The following SLC14A1 variants were observed in gnomAD, a reference collection of about 807,000 sequenced individuals.
The protein encoded by SLC14A1 is solute carrier family 14 member 1 (Kidd blood group).
In SLC14A1, 36 loss-of-function variants were observed where a neutral mutation model predicts 39.6. That is an observed-to-expected ratio of 0.91 (90% confidence interval 0.70 to 1.20). The LOEUF (loss-of-function observed/expected upper bound fraction) is 1.20. SLC14A1 is among the 50% of genes most tolerant of loss of function. SLC14A1 has a pLI of 0.00. For missense variants in SLC14A1, 469 were observed against 478.7 expected, an observed-to-expected ratio of 0.98 and a Z score of 0.19; for synonymous variants, 164 against 173.6, an observed-to-expected ratio of 0.94 and a Z score of 0.43.
chr18:45,732,495 A>G (rs7229753), intron 4 of SLC14A1, among the ~76,000 whole-genome samples: 64,625 of 152,064 alleles, frequency 0.42, 14,503 homozygotes, highest in East Asian at 0.52. Flanking sequence ...ATTTAAGGGA[A>G]ACAAAGAACT....
intron 6 of SLC14A1, among the ~76,000 whole-genome samples, chr18:45,738,439 A>G (rs546070956): frequency 2.6e-5 from 4 of 152,350 alleles, no homozygotes; most frequent in African/African-American, 9.6e-5. Context: ...GAGAACTGCA[A>G]TTCTGTGAAC....
intron 8 of SLC14A1, among the ~76,000 whole-genome samples, chr18:45,741,528 T>C (rs2047377927): frequency 6.6e-6 from 1 of 152,226 alleles, no homozygotes; most frequent in Non-Finnish European, 1.5e-5. Context: ...GTACCAACGG[T>C]TTCTAAAGAC....
chr18:45,736,380 C>G, intron 5 of SLC14A1, 76 bp from the exon 6 acceptor site: 2 of 1,435,686 alleles, frequency 1.4e-6, no homozygotes, highest in South Asian at 1.1e-5. Context: ...GAAACAAAGC[C>G]CCTCCAGAGT....
chr18:45,735,358 G>A (rs887574123), intron 5 of SLC14A1, among the ~76,000 whole-genome samples: 9 of 152,162 alleles, frequency 5.9e-5, no homozygotes, highest in South Asian at 2.1e-4. Flanking sequence ...CGTTTCTAAC[G>A]CATTCCCACA....
chr18:45,747,205 G>A (rs2047568032), intron 8 of SLC14A1: 1 of 152,288 alleles, frequency 6.6e-6, no homozygotes, highest in African/African-American at 2.4e-5. Context: ...TTATATGAAG[G>A]TCATTCTTCA....
At position 45,739,676 on chromosome 18, in the gene SLC14A1, G is replaced by T. The variant is rs373326880; in HGVS notation, c.946+14G>T. On this transcript the variant is annotated intron_variant, in intron 8 of 9. Coordinates refer to ENST00000321925, the MANE Select transcript of SLC14A1 (RefSeq NM_015865.7). ...CTCTTGGCTGTGGTGAGTCTCCCAC[G>T]CCCCTGGGGGAGGGCTGCTCATGAC... The T allele has an allele frequency of 2.5e-6, 4 of 1,613,932 alleles. No homozygotes were observed. The South Asian group carries it at 3.3e-5, about 13-fold the overall frequency.
intron 7 of SLC14A1, 38 bp from the exon 8 acceptor site, chr18:45,739,490 C>A: frequency 6.2e-7 from 1 of 1,613,826 alleles, no homozygotes; most frequent in Non-Finnish European, 8.5e-7. Context: ...GAACATCCTG[C>A]CTTTAGTCCT....
chr18:45,742,506 C>T (rs1418756632), intron 8 of SLC14A1, among the ~76,000 whole-genome samples: 4 of 150,748 alleles, frequency 2.7e-5, no homozygotes, highest in South Asian at 2.1e-4. Context: ...CTTACAGGCA[C>T]GCACCATCAC....
chr18:45,739,187 G>A lies in SLC14A1; in HGVS notation c.688G>A (p.Val230Ile), dbSNP rs1275735923. Residue 230 changes from valine to isoleucine, a missense_variant, in exon 7 of 10, where the codon GTT becomes ATT. By Grantham distance (29) the Val-to-Ile change is conservative. Coordinates refer to ENST00000321925, the MANE Select transcript of SLC14A1 (RefSeq NM_015865.7). ...GTTGTTGAAATCTATACCAGTGGGAGTTGGTCAGATCTATGGCTGTGATAA... is the reference window on the plus strand; with the variant it reads ...GTTGTTGAAATCTATACCAGTGGGAATTGGTCAGATCTATGGCTGTGATAA... ...LELLKSIPVG[V>I]GQIYGCDNPW... is the part of the protein sequence containing the mutation. 6.2e-7 allele frequency: 1 copy of A among 1,614,124 alleles called. No individual in the cohort carries two copies.
chr18:45,731,666 G>T (rs939792827), intron 4 of SLC14A1: 2 of 219,400 alleles, frequency 9.1e-6, no homozygotes, highest in African/African-American at 4.6e-5. Flanking sequence ...CTGGAGAAAA[G>T]AATAACCATG....
intron 8 of SLC14A1, among the ~76,000 whole-genome samples, chr18:45,742,513 T>C (rs940310197): frequency 6.7e-6 from 1 of 150,036 alleles, no homozygotes; most frequent in Admixed American, 6.7e-5. Context: ...GCACGCACCA[T>C]CACGCCTAGC....
intron 2 of SLC14A1, among the ~76,000 whole-genome samples, chr18:45,725,771 C>T (rs558783309): frequency 3.0e-4 from 46 of 152,210 alleles, no homozygotes; most frequent in Middle Eastern, 3.4e-3. Context: ...TGGATGATGC[C>T]CACTCTGATC....
At chr18:45,732,014 T>C (rs1349824078) in intron 4 of SLC14A1, among the ~76,000 whole-genome samples, 1 of 152,234 alleles carries the variant, frequency 6.6e-6, no homozygotes, top group Admixed American at 6.5e-5. Context: ...TCTGATTTGC[T>C]CCCTGTAGAA....
chr18:45,743,938 G>T (rs6507639), intron 8 of SLC14A1, among the ~76,000 whole-genome samples: 140,868 of 152,156 alleles, frequency 0.93, 65,231 homozygotes, highest in East Asian at 1. Context: ...TTTTTGTTTT[G>T]GGTACTTGCT....
intron 4 of SLC14A1, 164 bp downstream of exon 4, chr18:45,731,368 C>A: frequency 1.4e-6 from 1 of 714,086 alleles, no homozygotes; most frequent in Non-Finnish European, 2.5e-6. Flanking sequence ...GAATCAGTTA[C>A]AGTCTCTTGC....
At chr18:45,743,062 C>T (rs1358317718) in intron 8 of SLC14A1, among the ~76,000 whole-genome samples, 1 of 152,178 alleles carries the variant, frequency 6.6e-6, no homozygotes, top group Non-Finnish European at 1.5e-5. Context: ...AAGTGGGAAT[C>T]TTTGATATTT....
Position 45,739,288 on chromosome 18 carries a change from A to T in SLC14A1, c.789A>T (p.Gly263=). Residue 263 remains glycine, a synonymous_variant, in exon 7 of 10, where the codon GGA becomes GGT. Coordinates refer to ENST00000321925, the MANE Select transcript of SLC14A1 (RefSeq NM_015865.7). ...SPLMCLHAAI[G]SLLGIAAGLS... ...TCATGTGCCTGCATGCTGCCATAGGATCATTGCTGGGCATAGCAGCGGGTG... is the reference window on the plus strand; with the variant it reads ...TCATGTGCCTGCATGCTGCCATAGGTTCATTGCTGGGCATAGCAGCGGGTG... The T allele has an allele frequency of 1.2e-6, 2 of 1,614,096 alleles. No homozygotes were observed. The highest frequency in any genetic ancestry group is 8.5e-7 in the Non-Finnish European group (1 of 1,180,010).
chr18:45,747,788 G>T (rs2047590979), intron 8 of SLC14A1, among the ~76,000 whole-genome samples: 1 of 152,184 alleles, frequency 6.6e-6, no homozygotes, highest in Admixed American at 6.5e-5. Context: ...TCAAGTTTGT[G>T]TTCAGTTCCT....
intron 8 of SLC14A1, among the ~76,000 whole-genome samples, chr18:45,740,019 CCT>C (rs2047317388): frequency 6.6e-6 from 1 of 152,194 alleles, no homozygotes; most frequent in Non-Finnish European, 1.5e-5. Flanking sequence ...CAAAGCTCCC[CCT>C]GTGCTCACGG....
Sources: gnomAD v4.1 joint callset for allele counts (sites outside exome capture counted in the v4.1 genomes callset) on GRCh38, gnomAD v4.1.1 for gene constraint, MANE v1.5 for transcripts, NCBI Gene and HGNC (gene_info 2026-07-23, HGNC 2026-07-21) for gene names.